Variants in HEATR4 observed in about 807,000 individuals in gnomAD.
The protein encoded by HEATR4 is HEAT repeat containing 4, also known as HEAT repeat-containing protein 4.
Under a neutral mutation model 108.8 loss-of-function variants are expected in HEATR4, and 95 were observed. That is an observed-to-expected ratio of 0.87 (90% CI 0.74 to 1.04). The LOEUF (loss-of-function observed/expected upper bound fraction) is 1.04. Ranked by LOEUF, HEATR4 falls within the 50% of genes least tolerant of loss-of-function variation. HEATR4 has a pLI of 0.00. For synonymous variants in HEATR4, 443 were observed against 459.4 expected (o/e 0.96, Z 0.46); for missense variants, 1,152 against 1,253.8 (o/e 0.92, Z 1.23).
the HEATR4 span, among the ~76,000 whole-genome samples, chr14:73,615,324 T>C: frequency 7.9e-6 from 1 of 126,878 alleles, no homozygotes; most frequent in Non-Finnish European, 1.6e-5. Flanking sequence ...CAGGTGGAGG[T>C]TGCAGTGAGC....
chr14:73,512,029 A>T lies in HEATR4; in HGVS notation c.1535T>A (p.Ile512Asn). 6.2e-7 allele frequency: 1 copy of T among 1,613,996 alleles called. No individual in the cohort carries two copies. The highest frequency in any genetic ancestry group is 1.3e-5 in the African/African-American group (1 of 75,012). ...CATAALERPRIATSQRDSDKT... is the reference protein window; with the variant it reads ...CATAALERPRNATSQRDSDKT... The stretch of plus-strand genomic sequence containing the variant: ...ACCTGAGTCTCTCTGGCTGGTGGCA[A>T]TCCGGGGCCGTTCCAAAGCAGCTGT... The change falls in exon 7 of 18, where the codon ATT becomes AAT. Residue 512 changes from isoleucine to asparagine, a missense_variant. Transcript: ENST00000553558.
At chr14:73,621,761 C>CTTTTTTTTTTTT in the HEATR4 span, among the ~76,000 whole-genome samples, 138 of 109,450 alleles carry the variant, frequency 1.3e-3, no homozygotes, top group Non-Finnish European at 1.6e-3. Context: ...TTCTTTCTTT[C>CTTTTTTTTTTTT]TTTTTTTTTT....
chr14:73,510,205 A>G (rs1425568600), intron 7 of HEATR4, among the ~76,000 whole-genome samples: 1 of 151,442 alleles, frequency 6.6e-6, no homozygotes, highest in African/African-American at 2.4e-5. Flanking sequence ...GTAGTGCTTT[A>G]TAATATAGTG....
At chr14:73,582,976 C>G in the HEATR4 span, 4 of 151,678 alleles carry the variant, frequency 2.6e-5, no homozygotes, top group South Asian at 6.2e-4. Context: ...AAAAACCGAG[C>G]TGTCATATCA....
At chr14:73,629,004 G>A in the HEATR4 span, among the ~76,000 whole-genome samples, 13 of 150,802 alleles carry the variant, frequency 8.6e-5, no homozygotes, top group Admixed American at 2.7e-4. Context: ...GCAGTGAGCC[G>A]AGATAACGCC....
the HEATR4 span, among the ~76,000 whole-genome samples, chr14:73,607,680 A>G: frequency 3.3e-5 from 5 of 151,764 alleles, no homozygotes; most frequent in Non-Finnish European, 5.9e-5. Flanking sequence ...CTGGAGTGCA[A>G]TGGAGCGATC....
the HEATR4 span, among the ~76,000 whole-genome samples, chr14:73,602,877 T>C: frequency 6.6e-6 from 1 of 152,198 alleles, no homozygotes; most frequent in Non-Finnish European, 1.5e-5. Flanking sequence ...GCATCTCAAA[T>C]TTAGAGATGA....
chr14:73,596,440 T>C, the HEATR4 span: 2 of 151,866 alleles, frequency 1.3e-5, no homozygotes, highest in South Asian at 2.1e-4. Context: ...ATTGGTGCAG[T>C]GAGCCGTGAT....
At chr14:73,616,360 C>T in the HEATR4 span, among the ~76,000 whole-genome samples, 1 of 151,640 alleles carries the variant, frequency 6.6e-6, no homozygotes, top group African/African-American at 2.4e-5. Flanking sequence ...CTCTGTCACC[C>T]AGGCTGGAGT....
At chr14:73,567,904 C>T in the HEATR4 span, 1 of 152,102 alleles carries the variant, frequency 6.6e-6, no homozygotes, top group Admixed American at 6.6e-5. Context: ...CCAGAAGGAA[C>T]ACATTCCGGA....
the HEATR4 span, among the ~76,000 whole-genome samples, chr14:73,623,820 T>C: frequency 6.6e-6 from 1 of 152,026 alleles, no homozygotes; most frequent in Non-Finnish European, 1.5e-5. Context: ...GAGCTGGTTG[T>C]GAAAAAGAGC....
At chr14:73,601,010 G>A in the HEATR4 span, among the ~76,000 whole-genome samples, 7 of 151,580 alleles carry the variant, frequency 4.6e-5, no homozygotes, top group Non-Finnish European at 1.0e-4. Flanking sequence ...GTGTGGTGGT[G>A]CGTGCCTGTA....
chr14:73,506,551 A>T lies in HEATR4; in HGVS notation c.1902T>A (p.Leu634=). The T allele has an allele frequency of 2.5e-6, 4 of 1,613,586 alleles. No homozygotes were observed. Among genetic ancestry groups the T allele is most frequent in the Non-Finnish European group, 3.4e-6 (4 of 1,179,914 alleles). Residue 634 remains leucine, a synonymous_variant, in exon 10 of 18, where the codon CTT becomes CTA. Transcript: ENST00000553558. ...ATTGACAGCTGTTCAGCTCCACAGCAAGCATGGTGTGTATCAGGGTCTGAG... is the reference window on the plus strand; with the variant it reads ...ATTGACAGCTGTTCAGCTCCACAGCTAGCATGGTGTGTATCAGGGTCTGAG... ...SEKTTLIHTM[L]AVELNSCQWK...
chr14:73,517,678 AAAAG>A (rs1174726425), intron 5 of HEATR4, among the ~76,000 whole-genome samples: 26 of 150,138 alleles, frequency 1.7e-4, no homozygotes, highest in East Asian at 5.9e-4. Context: ...AAAAAAAAAA[AAAAG>A]AAGAAGAAAA....
chr14:73,574,552 C>T, the HEATR4 span: 1 of 432,712 alleles, frequency 2.3e-6, no homozygotes, highest in Admixed American at 3.9e-5. Flanking sequence ...CGTCAGCCAC[C>T]ACTCCCGGCC....
intron 17 of HEATR4, among the ~76,000 whole-genome samples, chr14:73,479,439 C>CTT (rs71112760): frequency 6.5e-5 from 7 of 107,642 alleles, no homozygotes; most frequent in African/African-American, 2.6e-4. Context: ...TTCTTTCTTT[C>CTT]TTTTTTTTTT....
chr14:73,482,244 G>A (rs143007179), intron 17 of HEATR4, among the ~76,000 whole-genome samples: 1 of 152,250 alleles, frequency 6.6e-6, no homozygotes, highest in African/African-American at 2.4e-5. Flanking sequence ...AAATTAGGCC[G>A]GGCACAGTGG....
At position 73,495,330 on chromosome 14, in the gene HEATR4, C is replaced by T; in HGVS notation, c.2683G>A (p.Val895Ile). The change falls in exon 16 of 18, where the codon GTC (valine) becomes ATC (isoleucine). Residue 895 changes from valine to isoleucine, a missense_variant. Physicochemically the swap from Val to Ile is conservative, Grantham distance 29 (BLOSUM62 3). Transcript: ENST00000553558. ...LTHKILKLEM[V>I]MGKVREEAKR... is the part of the protein sequence containing the mutation. ...GCTTCCTCCCTCACTTTTCCCATGA[C>T]CATCTCCAGCTTGAGTATTTTGTGT... 6.2e-7 allele frequency: 1 copy of T among 1,613,924 alleles called. No homozygotes were observed. Among genetic ancestry groups the T allele is most frequent in the Non-Finnish European group, 8.5e-7 (1 of 1,179,856 alleles).
At chr14:73,529,132 T>A (rs1888543413) in intron 2 of HEATR4, 1 of 151,940 alleles carries the variant, frequency 6.6e-6, no homozygotes, top group South Asian at 2.1e-4. Flanking sequence ...GGCGTGTGGA[T>A]CATCTGAGGT....
Sources: gnomAD v4.1 joint callset for allele counts (sites outside exome capture counted in the v4.1 genomes callset) on GRCh38, gnomAD v4.1.1 for gene constraint, MANE v1.5 for transcripts, NCBI Gene and HGNC (gene_info 2026-07-23, HGNC 2026-07-21) for gene names.